SHC4: variants seen among roughly 807,000 people sequenced by gnomAD.
The protein encoded by SHC4 is SHC adaptor protein 4, also known as SHC-transforming protein 4.
Under a neutral mutation model 69.4 loss-of-function variants are expected in SHC4, and 41 were observed. That is an observed-to-expected ratio of 0.59 (90% CI 0.46 to 0.77). The LOEUF (loss-of-function observed/expected upper bound fraction) is 0.77. Ranked by LOEUF, SHC4 falls within the 30% of genes least tolerant of loss-of-function variation. The probability of loss-of-function intolerance (pLI) is 0.00; values close to 1 mark genes in which losing one functional copy is unlikely to be tolerated. For missense variants in SHC4, 777 were observed against 783.8 expected (o/e 0.99, Z 0.10); for synonymous variants, 318 against 299.3 (o/e 1.06, Z -0.64).
intron 2 of SHC4, among the ~76,000 whole-genome samples, chr15:48,907,043 CT>C (rs1397398348): frequency 1.3e-5 from 2 of 152,100 alleles, no homozygotes; most frequent in Non-Finnish European, 2.9e-5. Context: ...TACGGGTTAT[CT>C]CCAGTGATTT....
At chr15:48,857,147 C>A (rs1171293317) in intron 7 of SHC4, among the ~76,000 whole-genome samples, 1 of 152,154 alleles carries the variant, frequency 6.6e-6, no homozygotes, top group Non-Finnish European at 1.5e-5. Flanking sequence ...GCTTTCATTG[C>A]AGACTTTCTG....
At chr15:48,950,266 T>C (rs1350044677) in intron 1 of SHC4, among the ~76,000 whole-genome samples, 2 of 147,500 alleles carry the variant, frequency 1.4e-5, no homozygotes, top group Non-Finnish European at 1.5e-5. Flanking sequence ...TTTTAGATAA[T>C]ATATAAAATT....
chr15:48,876,987 A>G (rs1250886121), intron 4 of SHC4: 1 of 157,712 alleles, frequency 6.3e-6, no homozygotes, highest in African/African-American at 2.4e-5. Context: ...TCCACGCTAG[A>G]AGAGGATCAA....
intron 1 of SHC4, among the ~76,000 whole-genome samples, chr15:48,961,922 C>A (rs1285168792): frequency 1.3e-5 from 2 of 152,138 alleles, no homozygotes; most frequent in African/African-American, 4.8e-5. Flanking sequence ...GAGACTCGGA[C>A]GTGTTTTGAG....
intron 10 of SHC4, among the ~76,000 whole-genome samples, chr15:48,837,269 G>A (rs778855102): frequency 1.3e-5 from 2 of 152,146 alleles, no homozygotes; most frequent in Non-Finnish European, 2.9e-5. Flanking sequence ...CAAATTAGCA[G>A]AAGGACAAGA....
rs776671258 is a variant in SHC4 at position 48,834,975 on chromosome 15, A to G, written c.1531T>C (p.Ser511Pro). The change falls in exon 11 of 12, where the codon TCA becomes CCA. Residue 511 changes from serine to proline, a missense_variant. By Grantham distance (74) the Ser-to-Pro change is moderately conservative. Transcript: ENST00000332408. ...QPGATAQPAS[S>P]HSLPHIKQQL... ...TGCTTAATGTGTGGCAAAGAATGTG[A>G]GCTGGCAGGCTGGGCTGTGGCACCC... 1.3e-5 allele frequency: 21 copies of G among 1,613,212 alleles called. No individual in the cohort carries two copies. Among genetic ancestry groups the G allele is most frequent in the Non-Finnish European group, 1.7e-5 (20 of 1,179,574 alleles).
intron 3 of SHC4, among the ~76,000 whole-genome samples, 170 bp downstream of exon 3, chr15:48,890,578 C>T (rs1336837686): frequency 6.6e-6 from 1 of 152,122 alleles, no homozygotes; most frequent in African/African-American, 2.4e-5. Context: ...TCAGGCAACT[C>T]GGAAAGATTT....
intron 1 of SHC4, among the ~76,000 whole-genome samples, chr15:48,929,872 A>C (rs1368936741): frequency 6.6e-6 from 1 of 152,178 alleles, no homozygotes; most frequent in Non-Finnish European, 1.5e-5. Context: ...CCTAACTCCC[A>C]ACTCGCTTCC....
chr15:48,860,723 G>A (rs183932367), intron 6 of SHC4, among the ~76,000 whole-genome samples: 1 of 152,264 alleles, frequency 6.6e-6, no homozygotes, highest in East Asian at 1.9e-4. Context: ...GGCGATGAGA[G>A]AATAGGATGT....
chr15:48,906,613 A>G (rs1020864474), intron 2 of SHC4, among the ~76,000 whole-genome samples: 15 of 152,158 alleles, frequency 9.9e-5, no homozygotes, highest in African/African-American at 3.1e-4. Flanking sequence ...CTCAATCGCC[A>G]TATTTACTGG....
Position 48,962,848 on chromosome 15 carries a change from C to A in SHC4, c.168G>T (p.Pro56=). The change falls in exon 1 of 12, where the codon CCG becomes CCT. Residue 56 remains proline, a synonymous_variant. Coordinates refer to ENST00000332408, the MANE Select transcript of SHC4 (RefSeq NM_203349.4). ...SGGSVGNKGS[P]QPPHPALAPH... is the part of the protein sequence containing the mutation. ...GTGCCAGGGCGGGGTGGGGAGGCTG[C>A]GGCGAGCCCTTGTTCCCGACCGAGC... 1 of 1,612,826 alleles carries A rather than the reference C, an allele frequency of 6.2e-7. No homozygotes were observed. Among genetic ancestry groups the A allele is most frequent in the Non-Finnish European group, 8.5e-7 (1 of 1,179,972 alleles).
At chr15:48,831,755 G>C (rs904532242) in intron 11 of SHC4, among the ~76,000 whole-genome samples, 2 of 152,156 alleles carry the variant, frequency 1.3e-5, no homozygotes, top group African/African-American at 4.8e-5. Flanking sequence ...AGAATTAAAA[G>C]TTATTTACAC....
chr15:48,913,510 A>G (rs530721965), intron 2 of SHC4, among the ~76,000 whole-genome samples: 343 of 152,020 alleles, frequency 2.3e-3, no homozygotes, highest in Non-Finnish European at 2.9e-3. Context: ...AACCTGCCCC[A>G]GCTCCAGGCT....
intron 1 of SHC4, among the ~76,000 whole-genome samples, chr15:48,953,277 A>G (rs866617854): frequency 5.4e-4 from 82 of 152,282 alleles, no homozygotes; most frequent in African/African-American, 1.9e-3. Context: ...AGGGTGGAGG[A>G]TGAGAGGAGG....
intron 2 of SHC4, among the ~76,000 whole-genome samples, chr15:48,907,424 T>C (rs976148287): frequency 7.9e-5 from 12 of 152,094 alleles, no homozygotes; most frequent in East Asian, 1.9e-4. Context: ...TGTTTTTTTT[T>C]CCATAAGTTA....
rs150299079 is a variant in SHC4, at chr15:48,962,641, T to C, written c.375A>G (p.Pro125=). The C allele has an allele frequency of 5.0e-6, 8 of 1,614,072 alleles. No homozygotes were observed. The highest frequency in any genetic ancestry group is 1.6e-4 in the Middle Eastern group (1 of 6,084). The change falls in exon 1 of 12, where the codon CCA becomes CCG. Residue 125 remains proline, a synonymous_variant. Transcript: ENST00000332408. ...PRLKLQESRD[P]GSSGPSSPET... ...CTGGGGAAGAGGGGCCGCTGGAACC[T>C]GGGTCCCGGCTTTCCTGGAGCTTCA...
At chr15:48,928,642 G>T (rs10519200) in intron 1 of SHC4, among the ~76,000 whole-genome samples, 148,044 of 152,226 alleles carry the variant, frequency 0.97, 72,050 homozygotes, top group Non-Finnish European at 0.99. Context: ...CCTCCACGGT[G>T]TCGTTCTTAA....
chr15:48,875,832 C>T (rs182560913), intron 4 of SHC4, among the ~76,000 whole-genome samples: 200 of 152,270 alleles, frequency 1.3e-3, no homozygotes, highest in Non-Finnish European at 2.1e-3. Context: ...CCATGTCATC[C>T]ATAGAGAAAT....
intron 1 of SHC4, among the ~76,000 whole-genome samples, chr15:48,944,940 C>T (rs945566423): frequency 2.0e-5 from 3 of 152,208 alleles, no homozygotes; most frequent in Non-Finnish European, 4.4e-5. Context: ...ATGTCCTAAG[C>T]ATGGCTAAGA....
Sources: allele counts gnomAD v4.1 joint callset (sites outside exome capture counted in the v4.1 genomes callset), GRCh38; gene constraint gnomAD v4.1.1; transcripts MANE v1.5; gene names NCBI Gene and HGNC (gene_info 2026-07-23, HGNC 2026-07-21).